AKNA: variants seen among roughly 807,000 people sequenced by gnomAD.
AKNA encodes AT-hook transcription factor, also known as microtubule organization protein AKNA.
In AKNA, 67 loss-of-function variants were observed where a neutral mutation model predicts 138.8. That is an observed-to-expected ratio of 0.48 (90% CI 0.40 to 0.59). AKNA has a LOEUF of 0.59. AKNA is among the 20% of genes least tolerant of loss of function. The probability of loss-of-function intolerance (pLI) is 0.00; values close to 1 mark genes in which losing one functional copy is unlikely to be tolerated. For synonymous variants in AKNA, 737 were observed against 754.4 expected (o/e 0.98, Z 0.38); for missense variants, 1,813 against 1,880.4 (o/e 0.96, Z 0.66).
At chr9:114,380,408 TTAA>T (rs1833551066) in intron 2 of AKNA, among the ~76,000 whole-genome samples, 1 of 152,202 alleles carries the variant, frequency 6.6e-6, no homozygotes, top group Non-Finnish European at 1.5e-5. Flanking sequence ...TTCACATCTA[TTAA>T]GTTAACCAAA....
At chr9:114,392,197 T>A (rs539729343), upstream of AKNA, among the ~76,000 whole-genome samples, 2 of 151,824 alleles carry the variant, frequency 1.3e-5, no homozygotes, top group East Asian at 3.9e-4. Context: ...TGATGAAGCC[T>A]GGCTAGGGAA....
chr9:114,346,443 G>A (rs1157451426), intron 17 of AKNA, among the ~76,000 whole-genome samples: 1 of 152,238 alleles, frequency 6.6e-6, no homozygotes, highest in Admixed American at 6.5e-5. Flanking sequence ...TGCAGTGGAG[G>A]TTAAGCAAGA....
intron 21 of AKNA, among the ~76,000 whole-genome samples, chr9:114,340,683 G>T (rs1830280906): frequency 6.6e-6 from 1 of 152,162 alleles, no homozygotes; most frequent in Admixed American, 6.5e-5. Flanking sequence ...GCTACTAGGG[G>T]GCAGATGGGA....
At chr9:114,380,973 C>T in intron 2 of AKNA, 87 bp downstream of exon 2, 2 of 1,336,154 alleles carry the variant, frequency 1.5e-6, no homozygotes, top group South Asian at 3.3e-5. Context: ...TGAAGCAAGA[C>T]TCTGTCTCAA....
chr9:114,370,168 T>C (rs1187136776), intron 4 of AKNA, among the ~76,000 whole-genome samples: 2 of 152,266 alleles, frequency 1.3e-5, no homozygotes, highest in East Asian at 3.9e-4. Flanking sequence ...AGCCGAAAAA[T>C]CAACTCCAAG....
chr9:114,345,543 G>C (rs1418422692), intron 18 of AKNA: 1 of 249,386 alleles, frequency 4.0e-6, no homozygotes, highest in Non-Finnish European at 7.8e-6. Flanking sequence ...TGTCCACCCT[G>C]TATGCTCCGA....
At chr9:114,398,257 C>T (rs1260728338), upstream of AKNA, among the ~76,000 whole-genome samples, 1 of 152,168 alleles carries the variant, frequency 6.6e-6, no homozygotes, top group African/African-American at 2.4e-5. The surrounding 1 kb of genome is among the most constrained non-coding windows in gnomAD (Gnocchi z 4.2). Context: ...AGCGGTGATG[C>T]GTCTCCTTCC....
Position 114,355,922 on chromosome 9 carries a change from C to T in AKNA, c.3058+3G>A. The T allele has an allele frequency of 1.9e-6, 3 of 1,614,152 alleles. No individual in the cohort carries two copies. The highest frequency in any genetic ancestry group is 2.5e-6 in the Non-Finnish European group (3 of 1,179,992). On this transcript the variant is annotated splice_donor_region_variant and intron_variant, in intron 14 of 21. Coordinates refer to ENST00000374088, the MANE Select transcript of AKNA (RefSeq NM_001317950.2). ...TCTGTCCAAGTCAGACTCCTGCACT[C>T]ACCCATCTCGGCTGCCAGTGTCCGC...
chr9:114,346,851 G>T, intron 16 of AKNA, 67 bp from the exon 17 acceptor site: 1 of 1,362,034 alleles, frequency 7.3e-7, no homozygotes, highest in Non-Finnish European at 1.0e-6. Flanking sequence ...GGTTATTTGT[G>T]AGAAGTTCAA....
At position 114,356,134 on chromosome 9, in the gene AKNA, G is replaced by A. The variant is rs1374373460; in HGVS notation, c.2849C>T (p.Thr950Ile). 8 of 1,611,860 alleles carry A rather than the reference G, an allele frequency of 5.0e-6. No individual in the cohort carries two copies. Among genetic ancestry groups the A allele is most frequent in the Non-Finnish European group, 6.8e-6 (8 of 1,178,502 alleles). The change falls in exon 14 of 22, where the codon ACA becomes ATA. Residue 950 changes from threonine (T) to isoleucine (I), a missense_variant and splice_region_variant. Physicochemically the swap from Thr to Ile is moderately conservative, Grantham distance 89. Coordinates refer to ENST00000374088, the MANE Select transcript of AKNA (RefSeq NM_001317950.2). ...AAAGGGCTGGGCTAATGTTCCTGCTGTGCTGGGGGACCGTGGAGGAAGGGA... is the reference window on the plus strand; with the variant it reads ...AAAGGGCTGGGCTAATGTTCCTGCTATGCTGGGGGACCGTGGAGGAAGGGA... Reference protein sequence around the residue: ...TPEHRLSHISTAGTLAQPFAA... With the variant: ...TPEHRLSHISIAGTLAQPFAA...
rs1414793955 is a variant in AKNA at position 114,376,758 on chromosome 9, C to A, written c.1049G>T (p.Gly350Val). The A allele has an allele frequency of 1.2e-6, 2 of 1,612,582 alleles. No individual in the cohort carries two copies. Among genetic ancestry groups the A allele is most frequent in the Non-Finnish European group, 1.7e-6 (2 of 1,179,200 alleles). Residue 350 changes from glycine (G) to valine (V), a missense_variant, in exon 3 of 22, where the codon GGC becomes GTC. Physicochemically the swap from Gly to Val is moderately radical, Grantham distance 109 (BLOSUM62 -3). Coordinates refer to ENST00000374088, the MANE Select transcript of AKNA (RefSeq NM_001317950.2). ...GRSSSNAPKY[G>V]RGQLNYPLPD... Reference sequence around the variant, plus strand: ...GAGTGGGTAGTTCAACTGCCCCCGGCCATACTTGGGGGCATTAGAAGAGGA... The same window carrying A: ...GAGTGGGTAGTTCAACTGCCCCCGGACATACTTGGGGGCATTAGAAGAGGA...
intron 2 of AKNA, among the ~76,000 whole-genome samples, chr9:114,380,474 T>A (rs1459966951): frequency 6.6e-6 from 1 of 151,824 alleles, no homozygotes; most frequent in Non-Finnish European, 1.5e-5. Flanking sequence ...ACATTACATT[T>A]GCATATCTAC....
Position 114,336,944 on chromosome 9 carries a change from T to C in AKNA, c.*110A>G. On this transcript the variant is annotated 3_prime_UTR_variant, in exon 22 of 22. Coordinates refer to ENST00000374088, the MANE Select transcript of AKNA (RefSeq NM_001317950.2). ...GACCTGTGCTGGAGGGAGACCCTCC[T>C]GGTGAGGAACTATGCGGGCCTTCTG... 2 of 1,345,696 alleles carry C rather than the reference T, an allele frequency of 1.5e-6. No homozygotes were observed. The highest frequency in any genetic ancestry group is 2.0e-6 in the Non-Finnish European group (2 of 1,024,526). 83.4% of individuals were successfully genotyped at this position (1,345,696 alleles called of 1,614,324 possible). A position where few individuals can be genotyped will look rare whatever the true frequency, so the allele number is the denominator to read the frequency against.
chr9:114,351,505 GT>G (rs902572866), intron 14 of AKNA, among the ~76,000 whole-genome samples: 2 of 151,992 alleles, frequency 1.3e-5, no homozygotes, highest in Non-Finnish European at 2.9e-5. Flanking sequence ...CCACTAATCC[GT>G]CCCCTGCATT....
At chr9:114,348,917 C>T in intron 15 of AKNA, 3 of 456,312 alleles carry the variant, frequency 6.6e-6, no homozygotes, top group South Asian at 4.6e-5. Flanking sequence ...GGGTGAGTAT[C>T]CCCTGGTGCC....
At chr9:114,344,408 C>A (rs528432829) in intron 18 of AKNA, 1 of 152,922 alleles carries the variant, frequency 6.5e-6, no homozygotes, top group Non-Finnish European at 1.5e-5. Context: ...GAAAGCTGGG[C>A]GGACTGTGGC....
Position 114,337,012 on chromosome 9 carries a change from T to TTGGGGGGGGGGGGGGG in AKNA, c.*41_*42insCCCCCCCCCCCCCCCA. The TTGGGGGGGGGGGGGGG allele has an allele frequency of 1.8e-4, 223 of 1,208,148 alleles. No homozygotes were observed. The highest frequency in any genetic ancestry group is 2.2e-4 in the Non-Finnish European group (200 of 929,294). The allele number at this position is 1,208,148 out of a possible 1,614,324, so 74.8% of individuals were successfully genotyped here. On this transcript the variant is annotated 3_prime_UTR_variant, in exon 22 of 22. Coordinates refer to ENST00000374088, the MANE Select transcript of AKNA (RefSeq NM_001317950.2). ...CCCACTCCTGGCCTGGCAGGCCACC[T>TTGGGGGGGGGGGGGGG]GCCCACCCACCCACCCATCTGCCTC...
chr9:114,370,150 C>T (rs1247815205), intron 4 of AKNA, among the ~76,000 whole-genome samples: 1 of 152,240 alleles, frequency 6.6e-6, no homozygotes, highest in African/African-American at 2.4e-5. Flanking sequence ...TGTATAGGTC[C>T]CGGCTGTAGC....
upstream of AKNA, among the ~76,000 whole-genome samples, chr9:114,395,570 A>T (rs146079982): frequency 2.6e-5 from 4 of 151,996 alleles, no homozygotes; most frequent in East Asian, 7.8e-4. Flanking sequence ...AAGCCATCTC[A>T]TAAAGGGTTT....
Sources: allele counts gnomAD v4.1 joint callset (sites outside exome capture counted in the v4.1 genomes callset), GRCh38; gene constraint gnomAD v4.1.1; non-coding constraint Gnocchi (gnomAD v3.1); transcripts MANE v1.5; gene names NCBI Gene and HGNC (gene_info 2026-07-23, HGNC 2026-07-21).